The following BIRC6 variants were observed in gnomAD, a reference collection of about 807,000 sequenced individuals.
BIRC6 encodes the protein dual E2 ubiquitin-conjugating enzyme/E3 ubiquitin-protein ligase BIRC6.
In BIRC6, 98 loss-of-function variants were observed where a neutral mutation model predicts 503.3. The ratio of observed to expected loss-of-function variants is 0.19; its 90% CI spans 0.17 to 0.23. BIRC6 has a LOEUF of 0.23. Among genes scored for constraint, BIRC6 ranks in the 10% least tolerant of loss-of-function variants. BIRC6 has a pLI of 1.00. For synonymous variants in BIRC6, 2,240 were observed against 2,078.7 expected (o/e 1.08, Z -2.11); for missense variants, 5,360 against 5,806.0 (o/e 0.92, Z 2.50).
At chr2:32,363,794 T>G (rs2034469907) in intron 1 of BIRC6, among the ~76,000 whole-genome samples, 1 of 152,194 alleles carries the variant, frequency 6.6e-6, no homozygotes. Context: ...ATGTTAAAAG[T>G]GCCTAACAGT....
At chr2:32,562,446 T>TA (rs2059260436) in intron 65 of BIRC6, among the ~76,000 whole-genome samples, 1 of 152,246 alleles carries the variant, frequency 6.6e-6, no homozygotes, top group Non-Finnish European at 1.5e-5. Flanking sequence ...TAGTGGTATG[T>TA]TATTTTTAAC....
chr2:32,529,900 A>G, intron 60 of BIRC6, 76 bp downstream of exon 60: 2 of 965,116 alleles, frequency 2.1e-6, no homozygotes, highest in Non-Finnish European at 2.8e-6. Flanking sequence ...TAATGACTTA[A>G]TTGACTTGTG....
chr2:32,381,747 T>A (rs1462170711), intron 3 of BIRC6, among the ~76,000 whole-genome samples: 2 of 152,150 alleles, frequency 1.3e-5, no homozygotes, highest in African/African-American at 4.8e-5. Context: ...GGTTTCACTA[T>A]GTTGGCCAGG....
intron 70 of BIRC6, 155 bp from the exon 71 acceptor site, chr2:32,602,851 A>G (rs879655762): frequency 4.4e-5 from 23 of 521,330 alleles, no homozygotes; most frequent in Non-Finnish European, 6.8e-5. Flanking sequence ...GAAGATGCCA[A>G]TTTGTTTTAA....
intron 65 of BIRC6, among the ~76,000 whole-genome samples, chr2:32,572,352 A>C (rs1054495077): frequency 1.3e-5 from 2 of 152,168 alleles, no homozygotes; most frequent in African/African-American, 4.8e-5. Context: ...TATTACTGTG[A>C]ATGTTATTGT....
At chr2:32,483,723 C>T (rs1444723779) in intron 39 of BIRC6, among the ~76,000 whole-genome samples, 1 of 152,124 alleles carries the variant, frequency 6.6e-6, no homozygotes, top group Non-Finnish European at 1.5e-5. Context: ...TAGAATGGTC[C>T]TCAGTTTGTG....
chr2:32,481,737 G>A (rs1168076983), intron 38 of BIRC6, among the ~76,000 whole-genome samples: 2 of 151,688 alleles, frequency 1.3e-5, no homozygotes, highest in Admixed American at 1.3e-4. Flanking sequence ...CTGCACTCCA[G>A]CCTGGGTGAC....
In BIRC6 at chr2:32,506,313, C is replaced by T. The variant is rs1297620229; in HGVS notation, c.9700+1108C>T. Among the ~76,000 whole-genome samples the T allele has an allele frequency of 2.6e-5, 4 of 152,156 alleles. No homozygotes were observed. The East Asian group carries it at 7.7e-4, about 29-fold the overall frequency. On this transcript the variant is annotated intron_variant, in intron 50 of 73. Coordinates refer to ENST00000421745, the MANE Select transcript of BIRC6 (RefSeq NM_016252.4). ...TGTGGGAAATGTTGTAGATTCCTGG[C>T]ATCTTTGGAGAAAACAATTTTTTTC...
chr2:32,494,743 A>G (rs1396879939), intron 45 of BIRC6, among the ~76,000 whole-genome samples: 1 of 151,890 alleles, frequency 6.6e-6, no homozygotes, highest in East Asian at 2.0e-4. Context: ...CTCTAAAAAA[A>G]AAGAAAAAGA....
At chr2:32,489,353 A>G (rs6761867) in intron 42 of BIRC6, among the ~76,000 whole-genome samples, 151,586 of 152,120 alleles carry the variant, frequency 1, 75,530 homozygotes, top group Middle Eastern at 1. Context: ...AGTCACGCAC[A>G]GATTCTACTT....
At chr2:32,507,474 T>C (rs1013476535) in intron 50 of BIRC6, among the ~76,000 whole-genome samples, 6 of 152,070 alleles carry the variant, frequency 3.9e-5, no homozygotes, top group Non-Finnish European at 8.8e-5. Flanking sequence ...ATTTCTAAAC[T>C]CAGCTGTGAG....
chr2:32,438,101 G>T (rs1407595866), intron 15 of BIRC6, among the ~76,000 whole-genome samples: 1 of 152,162 alleles, frequency 6.6e-6, no homozygotes, highest in Non-Finnish European at 1.5e-5. Flanking sequence ...CAAAAATACT[G>T]ATTTTGACAA....
At chr2:32,431,709 C>T (rs2044142222) in intron 12 of BIRC6, among the ~76,000 whole-genome samples, 1 of 151,966 alleles carries the variant, frequency 6.6e-6, no homozygotes, top group Non-Finnish European at 1.5e-5. Context: ...TCACTTAGTC[C>T]ACAGATTTAT....
At chr2:32,373,142 C>T (rs1294459175) in intron 1 of BIRC6, among the ~76,000 whole-genome samples, 1 of 152,060 alleles carries the variant, frequency 6.6e-6, no homozygotes, top group East Asian at 1.9e-4. Context: ...TATACTGCCC[C>T]AAACAATTTG....
At position 32,491,440 on chromosome 2, in the gene BIRC6, C is replaced by T. The variant is rs1165698520; in HGVS notation, c.8222C>T (p.Ala2741Val). 1 of 1,609,938 alleles carries T rather than the reference C, an allele frequency of 6.2e-7. No homozygotes were observed. Among genetic ancestry groups the T allele is most frequent in the Admixed American group, 1.7e-5 (1 of 59,280 alleles). ...NMQLNSGSSS[A>V]IGTQESTAHL... Reference sequence around the variant, plus strand: ...TGTTTTATAGCTGGTTCCAGCAGTGCCATTGGAACTCAGGAGAGTACTGCT... The same window carrying T: ...TGTTTTATAGCTGGTTCCAGCAGTGTCATTGGAACTCAGGAGAGTACTGCT... Residue 2741 changes from alanine (A) to valine (V), a missense_variant, in exon 44 of 74, where the codon GCC becomes GTC. Physicochemically the swap from Ala to Val is moderately conservative, Grantham distance 64. Coordinates refer to ENST00000421745, the MANE Select transcript of BIRC6 (RefSeq NM_016252.4).
chr2:32,493,791 T>A, intron 45 of BIRC6, 124 bp downstream of exon 45: 1 of 714,032 alleles, frequency 1.4e-6, no homozygotes, highest in Non-Finnish European at 2.2e-6. Flanking sequence ...CGGTAGTAAT[T>A]AAGGGGGAAG....
intron 63 of BIRC6, among the ~76,000 whole-genome samples, chr2:32,546,086 G>A (rs530761036): frequency 2.0e-4 from 30 of 152,192 alleles, no homozygotes; most frequent in African/African-American, 5.8e-4. Context: ...AGATTTAAGC[G>A]CTTAATAAGC....
At chr2:32,491,043 T>G (rs2051638924) in intron 43 of BIRC6, among the ~76,000 whole-genome samples, 1 of 152,228 alleles carries the variant, frequency 6.6e-6, no homozygotes, top group African/African-American at 2.4e-5. Flanking sequence ...AGGAATAATT[T>G]TGCTACAACT....
Position 32,468,666 on chromosome 2 carries a change from A to G in BIRC6, c.6010A>G (p.Met2004Val), listed in dbSNP as rs1355849369. The change falls in exon 29 of 74, where the codon ATG becomes GTG. Residue 2004 changes from methionine (M) to valine (V), a missense_variant. By Grantham distance (21) the Met-to-Val change is conservative. Transcript: ENST00000421745. ...AGTGGCGCTAGGTGCAAGCCGGAAG[A>G]TGTTGAGTGAAACATCAAATCCAGA... ...LKVALGASRK[M>V]LSETSNPEDL... 5 of 1,614,030 alleles carry G rather than the reference A, an allele frequency of 3.1e-6. No homozygotes were observed. The highest frequency in any genetic ancestry group is 4.2e-6 in the Non-Finnish European group (5 of 1,179,886).
Sources: gnomAD v4.1 joint callset for allele counts (sites outside exome capture counted in the v4.1 genomes callset) on GRCh38, gnomAD v4.1.1 for gene constraint, MANE v1.5 for transcripts, NCBI Gene and HGNC (gene_info 2026-07-23, HGNC 2026-07-21) for gene names.